CEP112: variants seen among roughly 807,000 people sequenced by gnomAD.
The protein encoded by CEP112 is centrosomal protein of 112 kDa.
In CEP112, 127 loss-of-function variants were observed where a neutral mutation model predicts 153.0. The ratio of observed to expected loss-of-function variants is 0.83; its 90% CI spans 0.72 to 0.96. The LOEUF (loss-of-function observed/expected upper bound fraction) is 0.96. Among genes scored for constraint, CEP112 ranks in the 40% least tolerant of loss-of-function variants. The probability of loss-of-function intolerance (pLI) is 0.00; values close to 1 mark genes in which losing one functional copy is unlikely to be tolerated. For synonymous variants in CEP112, 358 were observed against 374.4 expected (o/e 0.96, Z 0.51); for missense variants, 1,089 against 1,101.2 (o/e 0.99, Z 0.16).
At chr17:65,661,387 A>G (rs2046379003) in intron 24 of CEP112, among the ~76,000 whole-genome samples, 1 of 152,162 alleles carries the variant, frequency 6.6e-6, no homozygotes, top group Non-Finnish European at 1.5e-5. Flanking sequence ...TGCATATATT[A>G]TATTTCATTT....
Position 66,097,115 on chromosome 17 carries a change from C to T in CEP112, c.643-483G>A, listed in dbSNP as rs575690572. Among the ~76,000 whole-genome samples, 6 of 152,282 alleles carry T rather than the reference C, an allele frequency of 3.9e-5. No individual in the cohort carries two copies. In the Middle Eastern group the frequency reaches 0.014, roughly 345 times the overall value. ...TACCTTTCTAATAGCAAAGAGAACA[C>T]AAAATTCCTTTGGGACTCCCCCTAA... On this transcript the variant is annotated intron_variant, in intron 6 of 26. Coordinates refer to ENST00000535342, the MANE Select transcript of CEP112 (RefSeq NM_001199165.4).
chr17:65,975,919 A>T (rs887637442), intron 17 of CEP112, among the ~76,000 whole-genome samples: 2 of 152,274 alleles, frequency 1.3e-5, no homozygotes, highest in African/African-American at 4.8e-5. Context: ...TTAAACAAAA[A>T]GAATCTGAAA....
intron 11 of CEP112, among the ~76,000 whole-genome samples, chr17:66,055,492 G>T (rs1362440313): frequency 6.6e-6 from 1 of 152,204 alleles, no homozygotes; most frequent in South Asian, 2.1e-4. Flanking sequence ...CACAGCTGTC[G>T]AGTGACATGA....
At position 65,918,821 on chromosome 17, in the gene CEP112, C is replaced by G. The variant is rs188512878; in HGVS notation, c.1980+8761G>C. 2.6e-5 allele frequency among the ~76,000 whole-genome samples: 4 copies of G among 152,236 alleles called. No individual in the cohort carries two copies. In the East Asian group the frequency reaches 7.7e-4, roughly 29 times the overall value. On this transcript the variant is annotated intron_variant, in intron 19 of 26. Coordinates refer to ENST00000535342, the MANE Select transcript of CEP112 (RefSeq NM_001199165.4). ...GTGTTTGATGTTTTTCTTTCCACAT[C>G]TGCACACTTTATGCCTGGATTTTGG...
intron 19 of CEP112, among the ~76,000 whole-genome samples, chr17:65,915,904 C>T (rs4791112): frequency 0.98 from 149,032 of 152,190 alleles, 73,066 homozygotes; most frequent in Middle Eastern, 1. Context: ...TAGGATGTGA[C>T]AAAATCTACC....
intron 21 of CEP112, among the ~76,000 whole-genome samples, chr17:65,821,496 T>TTATATATATATATATAATTATA (rs1215698468): frequency 1.6e-5 from 2 of 121,426 alleles, no homozygotes; most frequent in African/African-American, 6.4e-5. Context: ...ATATATATAA[T>TTATATATATATATATAATTATA]TATATATATA....
At chr17:65,826,324 C>A in intron 21 of CEP112, 1 of 1,613,718 alleles carries the variant, frequency 6.2e-7, no homozygotes. Flanking sequence ...ATTAAGATCT[C>A]AGAAGCAGTG....
At chr17:65,722,577 T>G (rs2049950231) in intron 23 of CEP112, among the ~76,000 whole-genome samples, 1 of 152,218 alleles carries the variant, frequency 6.6e-6, no homozygotes, top group Non-Finnish European at 1.5e-5. Flanking sequence ...AAGATTCTTT[T>G]CAGCTTCAAG....
intron 4 of CEP112, among the ~76,000 whole-genome samples, chr17:66,167,397 A>G (rs2072022644): frequency 6.7e-6 from 1 of 150,086 alleles, no homozygotes; most frequent in Non-Finnish European, 1.5e-5. Context: ...TTACAACTCC[A>G]TTTGCAAATG....
At chr17:66,143,773 T>A (rs1484000104) in intron 4 of CEP112, among the ~76,000 whole-genome samples, 3 of 152,040 alleles carry the variant, frequency 2.0e-5, no homozygotes, top group Non-Finnish European at 4.4e-5. Flanking sequence ...GAAACATAGC[T>A]CAGAGGGAAG....
In CEP112 at chr17:65,702,103, T is replaced by C. The variant is rs529723227; in HGVS notation, c.2608-12885A>G. ...GTTGGCCAGGCTGGTGTTGAACTCC[T>C]GACCTCAGGTGATCTGCCCGCCTCG... On this transcript the variant is annotated intron_variant, in intron 23 of 26. Coordinates refer to ENST00000535342, the MANE Select transcript of CEP112 (RefSeq NM_001199165.4). 3.3e-5 allele frequency among the ~76,000 whole-genome samples: 5 copies of C among 152,192 alleles called. No homozygotes were observed. The East Asian group carries it at 9.7e-4, about 29-fold the overall frequency.
chr17:65,913,525 ATG>A, intron 19 of CEP112: 1 of 985,388 alleles, frequency 1.0e-6, no homozygotes, highest in Non-Finnish European at 1.2e-6. Context: ...CAGAAATAGA[ATG>A]TGTCATTTGG....
chr17:65,998,838 G>A (rs1445464045), intron 17 of CEP112, among the ~76,000 whole-genome samples: 3 of 152,096 alleles, frequency 2.0e-5, no homozygotes, highest in Non-Finnish European at 4.4e-5. Context: ...CATGCCTAAG[G>A]TCACACAGTA....
At chr17:66,137,694 T>C (rs964118111) in intron 4 of CEP112, among the ~76,000 whole-genome samples, 2 of 152,156 alleles carry the variant, frequency 1.3e-5, no homozygotes, top group African/African-American at 4.8e-5. Flanking sequence ...AAACTGCCAG[T>C]CAAGGATATT....
In CEP112 at chr17:65,852,022, T is replaced by C. The variant is rs373330595; in HGVS notation, c.2176A>G (p.Met726Val). Residue 726 changes from methionine to valine, a missense_variant, in exon 21 of 27, where the codon ATG becomes GTG. Physicochemically the swap from Met to Val is conservative, Grantham distance 21. Transcript: ENST00000535342. ...KKRDAQVIAD[M>V]EAQVHKLREE... ...CTCAACTTGTGAACCTGGGCCTCCA[T>C]GTCGGCAATAACCTTGTTTTTAAAA... 5.0e-6 allele frequency: 8 copies of C among 1,608,292 alleles called. No individual in the cohort carries two copies. In the African/African-American group the frequency reaches 6.7e-5, roughly 13 times the overall value.
At chr17:65,725,935 C>T (rs1031482550) in intron 23 of CEP112, among the ~76,000 whole-genome samples, 3 of 152,096 alleles carry the variant, frequency 2.0e-5, no homozygotes, top group African/African-American at 7.2e-5. Context: ...AGAGCCAAGC[C>T]GTATCAGCCA....
chr17:65,718,665 T>C (rs1408187196), intron 23 of CEP112, among the ~76,000 whole-genome samples: 3 of 152,206 alleles, frequency 2.0e-5, no homozygotes, highest in African/African-American at 7.2e-5. Flanking sequence ...GGGATTTTTA[T>C]GTCATGAAAT....
chr17:66,126,138 A>G (rs1017288560), intron 6 of CEP112, among the ~76,000 whole-genome samples: 6 of 152,194 alleles, frequency 3.9e-5, no homozygotes, highest in African/African-American at 1.4e-4. Context: ...TATATGCCTC[A>G]CTTATCAAAG....
intron 4 of CEP112, among the ~76,000 whole-genome samples, chr17:66,164,458 T>G (rs1431287336): frequency 6.7e-6 from 1 of 148,506 alleles, no homozygotes; most frequent in African/African-American, 2.5e-5. Flanking sequence ...CTCGGGAGGC[T>G]GGGGCAGGAG....
Sources: gnomAD v4.1 joint callset for allele counts (sites outside exome capture counted in the v4.1 genomes callset) on GRCh38, gnomAD v4.1.1 for gene constraint, MANE v1.5 for transcripts, NCBI Gene and HGNC (gene_info 2026-07-23, HGNC 2026-07-21) for gene names.